BSCL2: variants seen among roughly 807,000 people sequenced by gnomAD.
The protein encoded by BSCL2 is BSCL2 lipid droplet biogenesis associated, seipin, also known as seipin.
In BSCL2, 41 loss-of-function variants were observed where a neutral mutation model predicts 57.4. The observed-to-expected ratio is 0.71, with a 90% CI of 0.56 to 0.93. The LOEUF (loss-of-function observed/expected upper bound fraction) is 0.93. Among genes scored for constraint, BSCL2 ranks in the 40% least tolerant of loss-of-function variants. The pLI is 0.00. For missense variants in BSCL2, 539 were observed against 586.7 expected (o/e 0.92, Z 0.84); for synonymous variants, 237 against 227.3 (o/e 1.04, Z -0.38).
intron 6 of BSCL2, among the ~76,000 whole-genome samples, chr11:62,691,720 T>C (rs1945314612): frequency 6.6e-6 from 1 of 152,178 alleles, no homozygotes; most frequent in Non-Finnish European, 1.5e-5. Flanking sequence ...CTCTTAATTC[T>C]GTCAGCCCAT....
chr11:62,709,081 C>T (rs77824462), upstream of BSCL2: 1,336 of 485,472 alleles, frequency 2.8e-3, 13 homozygotes, highest in African/African-American at 0.023. Flanking sequence ...GCGTCCTGCC[C>T]GCTTCCCTCG....
intron 2 of BSCL2, among the ~76,000 whole-genome samples, chr11:62,702,764 C>T (rs1178888836): frequency 6.6e-6 from 1 of 152,120 alleles, no homozygotes. Flanking sequence ...TATGTCCTCT[C>T]ATTACAACAG....
chr11:62,699,832 C>A (rs1945588107), intron 3 of BSCL2, among the ~76,000 whole-genome samples: 4 of 151,834 alleles, frequency 2.6e-5, no homozygotes, highest in Admixed American at 2.6e-4. Context: ...GTTTGTGCCA[C>A]CACACCTGGC....
intron 1 of BSCL2, chr11:62,706,322 C>T: frequency 7.1e-6 from 8 of 1,129,522 alleles, no homozygotes; most frequent in Non-Finnish European, 8.8e-6. Context: ...AAGTCCCGCC[C>T]CTCTCCGCCG....
chr11:62,706,242 C>G, intron 1 of BSCL2: 1 of 1,088,116 alleles, frequency 9.2e-7, no homozygotes, highest in African/African-American at 1.7e-5. Flanking sequence ...CCGGCTGCCA[C>G]AGGGCTGCCG....
chr11:62,691,013 C>T (rs189263719), intron 8 of BSCL2, 62 bp downstream of exon 8: 2 of 1,595,460 alleles, frequency 1.3e-6, no homozygotes, highest in East Asian at 4.5e-5. Context: ...AGCAGGGACT[C>T]CTTCTGGCCC....
intron 3 of BSCL2, among the ~76,000 whole-genome samples, chr11:62,700,809 C>T (rs1036064845): frequency 7.2e-5 from 11 of 151,740 alleles, no homozygotes; most frequent in Non-Finnish European, 1.6e-4. Context: ...AAAAGTTAGC[C>T]GGGTGTGGTG....
chr11:62,705,842 C>T (rs2083521503), intron 1 of BSCL2: 1 of 547,318 alleles, frequency 1.8e-6, no homozygotes, highest in Non-Finnish European at 3.2e-6. Context: ...CAGTGGAATT[C>T]CTTCTCCAGT....
At chr11:62,700,354 C>T (rs185693130) in intron 3 of BSCL2, among the ~76,000 whole-genome samples, 12 of 152,094 alleles carry the variant, frequency 7.9e-5, no homozygotes, top group Admixed American at 2.0e-4. Flanking sequence ...TGAAAAATAA[C>T]TTCAGGCTGG....
chr11:62,694,693 G>A lies in BSCL2; in HGVS notation c.505C>T (p.Pro169Ser), dbSNP rs878855171. The part of the protein sequence containing the change: ...GRDRVLMYGQ[P>S]YRVTLELELP... ...TCAAGCTCTAAGGTAACACGATACG[G>A]CTGTCCATACATCAGCACCTGCCAA... The change falls in exon 4 of 11, where the codon CCG (proline) becomes TCG (serine). Residue 169 changes from proline to serine, a missense_variant. Pro to Ser is a moderately conservative substitution (Grantham distance 74). Transcript: ENST00000360796. 6.2e-7 allele frequency: 1 copy of A among 1,613,954 alleles called. No homozygotes were observed. The highest frequency in any genetic ancestry group is 1.3e-5 in the African/African-American group (1 of 74,926).
In BSCL2 at chr11:62,691,371, C is replaced by T; in HGVS notation, c.914G>A (p.Ser305Asn). The T allele has an allele frequency of 6.2e-7, 1 of 1,614,186 alleles. No homozygotes were observed. The change falls in exon 7 of 11, where the codon AGC (serine) becomes AAC (asparagine). Residue 305 changes from serine (S) to asparagine (N), a missense_variant. By Grantham distance (46) the Ser-to-Asn change is conservative (BLOSUM62 1). This residue lies in a region of BSCL2 where 248 missense variants were observed against 239.9 expected (regional missense o/e 1.03). Transcript: ENST00000360796. ...GATGACGCTGAGGAAGGTGAAGTTGCTGGCAACACCTATGAAGGCGCAGGT... is the reference window on the plus strand; with the variant it reads ...GATGACGCTGAGGAAGGTGAAGTTGTTGGCAACACCTATGAAGGCGCAGGT... ...PMTCAFIGVA[S>N]NFTFLSVIVL...
chr11:62,690,963 T>G (rs959174629), intron 8 of BSCL2, 96 bp from the exon 9 acceptor site: 42 of 1,578,002 alleles, frequency 2.7e-5, no homozygotes, highest in African/African-American at 6.8e-5. Context: ...CCTTTGACCC[T>G]TGTCTCAGTC....
chr11:62,700,233 C>T (rs541947790), intron 3 of BSCL2, among the ~76,000 whole-genome samples: 1 of 151,824 alleles, frequency 6.6e-6, no homozygotes, highest in East Asian at 1.9e-4. Context: ...AGGGCAAAAC[C>T]TTGTCTTGAA....
rs149907021 is a variant in BSCL2 at position 62,690,795 on chromosome 11, G to A, written c.1145C>T (p.Ser382Leu). 249 of 1,613,746 alleles carry A rather than the reference G, an allele frequency of 1.5e-4. No homozygotes were observed. The highest frequency in any genetic ancestry group is 2.0e-4 in the Non-Finnish European group (241 of 1,180,024). The change falls in exon 9 of 11, where the codon TCA becomes TTA. Residue 382 changes from serine (S) to leucine (L), a missense_variant. By Grantham distance (145) the Ser-to-Leu change is moderately radical. This residue lies in a region of BSCL2 where 248 missense variants were observed against 239.9 expected (regional missense o/e 1.03). Transcript: ENST00000360796. ...TEDGESPEDP[S>L]GTEGQLSEEE... The stretch of plus-strand genomic sequence containing the variant: ...TGGTGGCTGCGCCATACCTGTCCCT[G>A]AGGGATCTTCAGGGCTCTCACCATC...
chr11:62,702,333 T>TG, intron 3 of BSCL2, 135 bp downstream of exon 3: 1 of 761,390 alleles, frequency 1.3e-6, no homozygotes, highest in Non-Finnish European at 2.2e-6. Context: ...CCCAAAGTAC[T>TG]GGGATTACAG....
chr11:62,692,941 T>G, intron 4 of BSCL2, 144 bp from the exon 5 acceptor site: 1 of 1,000,694 alleles, frequency 1.0e-6, no homozygotes, highest in Non-Finnish European at 1.5e-6. Context: ...TTCCTACCCC[T>G]CAGTCTCATC....
At chr11:62,709,143 T>G (rs1170057033), upstream of BSCL2, 1 of 476,850 alleles carries the variant, frequency 2.1e-6, no homozygotes, top group East Asian at 6.2e-5. Flanking sequence ...GCTCTCAGTC[T>G]CACCTGGAGC....
intron 2 of BSCL2, among the ~76,000 whole-genome samples, chr11:62,703,339 G>A (rs966999684): frequency 1.4e-5 from 2 of 143,682 alleles, no homozygotes; most frequent in African/African-American, 5.2e-5. Context: ...GCCTGGGCAT[G>A]CATATACGTT....
upstream of BSCL2, chr11:62,708,654 A>G (rs1029721686): frequency 6.8e-6 from 11 of 1,612,902 alleles, no homozygotes; most frequent in Admixed American, 1.7e-4. Flanking sequence ...CTGGCTAACA[A>G]TACCCTTCCT....
Sources: gnomAD v4.1 joint callset for allele counts (sites outside exome capture counted in the v4.1 genomes callset) on GRCh38, gnomAD v4.1.1 for gene constraint, gnomAD v4.1.1 regional missense constraint, MANE v1.5 for transcripts, NCBI Gene and HGNC (gene_info 2026-07-23, HGNC 2026-07-21) for gene names.